The following DCDC1 variants were observed in gnomAD, a reference collection of about 807,000 sequenced individuals.
DCDC1 encodes doublecortin domain containing 1, also known as doublecortin domain-containing protein 1.
Under a neutral mutation model 178.3 loss-of-function variants are expected in DCDC1, and 200 were observed. That is an observed-to-expected ratio of 1.12 (90% CI 1.00 to 1.26). DCDC1 has a LOEUF of 1.26. DCDC1 is among the 50% of genes most tolerant of loss of function. The pLI, the probability that DCDC1 is intolerant of heterozygous loss-of-function variation, is 0.00. For missense variants in DCDC1, 1,983 were observed against 1,749.2 expected, an observed-to-expected ratio of 1.13 and a Z score of -2.38; for synonymous variants, 690 against 604.8, an observed-to-expected ratio of 1.14 and a Z score of -2.07.
intron 5 of DCDC1, 120 bp from the exon 6 acceptor site, chr11:31,305,897 G>T: frequency 1.7e-6 from 2 of 1,162,434 alleles, no homozygotes; most frequent in Non-Finnish European, 2.4e-6. Flanking sequence ...TGCCAATACA[G>T]TTATTTTCTA....
chr11:30,973,896 C>G (rs1230908622), intron 20 of DCDC1, among the ~76,000 whole-genome samples: 1 of 151,728 alleles, frequency 6.6e-6, no homozygotes, highest in Non-Finnish European at 1.5e-5. Context: ...GGACTAAACA[C>G]TTTTACAGGA....
At position 30,921,010 on chromosome 11, in the gene DCDC1, T is replaced by C. The variant is rs1946215238; in HGVS notation, c.3134-75A>G. On this transcript the variant is annotated intron_variant, in intron 24 of 38. Coordinates refer to ENST00000684477, the MANE Select transcript of DCDC1 (RefSeq NM_001387274.1). ...GCATCAGGAATTTAAAAACACACACTAAAATACAAATGCAAAATAATTCCA... is the reference window on the plus strand; with the variant it reads ...GCATCAGGAATTTAAAAACACACACCAAAATACAAATGCAAAATAATTCCA... 4.1e-6 allele frequency: 6 copies of C among 1,448,724 alleles called. No individual in the cohort carries two copies. In the South Asian group the frequency reaches 5.3e-5, roughly 13 times the overall value. 89.7% of individuals were successfully genotyped at this position (1,448,724 alleles called of 1,614,324 possible). A position where few individuals can be genotyped will look rare whatever the true frequency, so the allele number is the denominator to read the frequency against.
intron 15 of DCDC1, among the ~76,000 whole-genome samples, 172 bp from the exon 16 acceptor site, chr11:31,094,356 A>G (rs1958007855): frequency 6.6e-6 from 1 of 152,176 alleles, no homozygotes; most frequent in Admixed American, 6.5e-5. Flanking sequence ...TTTGTTGAGC[A>G]CCAACTCTAT....
At chr11:31,266,064 A>G (rs2137115989) in intron 7 of DCDC1, among the ~76,000 whole-genome samples, 1 of 152,046 alleles carries the variant, frequency 6.6e-6, no homozygotes, top group Non-Finnish European at 1.5e-5. Context: ...GATTTTAAGT[A>G]CCTACTTTCC....
chr11:31,001,973 T>C (rs192657284), intron 20 of DCDC1, among the ~76,000 whole-genome samples: 5 of 152,362 alleles, frequency 3.3e-5, no homozygotes, highest in African/African-American at 9.6e-5. Flanking sequence ...AAATATGCTA[T>C]GTTCAGTGAA....
At chr11:31,066,727 G>A (rs666485) in intron 18 of DCDC1, among the ~76,000 whole-genome samples, 74,242 of 151,910 alleles carry the variant, frequency 0.49, 18,400 homozygotes, top group Middle Eastern at 0.57. Flanking sequence ...GACAGAAGAC[G>A]TGCAGCACAG....
chr11:31,062,349 T>C (rs964949942), intron 20 of DCDC1, among the ~76,000 whole-genome samples: 4 of 152,124 alleles, frequency 2.6e-5, no homozygotes, highest in Non-Finnish European at 4.4e-5. Context: ...CAGTGTTTCT[T>C]GAGTTTCTAT....
intron 11 of DCDC1, among the ~76,000 whole-genome samples, chr11:31,115,478 A>G (rs1959748362): frequency 6.6e-6 from 1 of 152,168 alleles, no homozygotes; most frequent in Non-Finnish European, 1.5e-5. Flanking sequence ...TCAAGAGGCA[A>G]TAATAGAAAA....
At chr11:31,004,102 AC>A (rs920593776) in intron 20 of DCDC1, among the ~76,000 whole-genome samples, 8 of 152,184 alleles carry the variant, frequency 5.3e-5, no homozygotes, top group African/African-American at 1.4e-4. Context: ...ATATTCAATT[AC>A]CTATTGAATA....
chr11:31,054,918 T>C (rs190362235), intron 20 of DCDC1, among the ~76,000 whole-genome samples: 21 of 152,160 alleles, frequency 1.4e-4, no homozygotes, highest in Non-Finnish European at 2.1e-4. Context: ...CCTCTAGACA[T>C]TGGCTTAGGT....
At chr11:30,882,379 T>C (rs1349854117) in intron 36 of DCDC1, 2 of 152,204 alleles carry the variant, frequency 1.3e-5, no homozygotes, top group Admixed American at 6.5e-5. Flanking sequence ...TATTCCCCTC[T>C]ATAGAATAGG....
At chr11:30,969,755 C>T (rs1483842643) in intron 20 of DCDC1, among the ~76,000 whole-genome samples, 1 of 152,072 alleles carries the variant, frequency 6.6e-6, no homozygotes, top group Non-Finnish European at 1.5e-5. Context: ...TCATTCATTT[C>T]CTTTTATTTA....
Position 31,225,708 on chromosome 11 carries a change from G to GATA in DCDC1, c.1221+15741_1221+15742insTAT, listed in dbSNP as rs1351946631. Among the ~76,000 whole-genome samples the GATA allele has an allele frequency of 4.6e-3, 682 of 149,106 alleles. 7 individuals carry two copies. Among genetic ancestry groups the GATA allele is most frequent in the African/African-American group, 0.016 (652 of 40,744 alleles). Reference sequence around the variant, plus strand: ...AAGAAAAATTATATATATATATCTAGGTAGATATATATCTATATCTACCTA... The same window carrying GATA: ...AAGAAAAATTATATATATATATCTAGATAGTAGATATATATCTATATCTACCTA... On this transcript the variant is annotated intron_variant, in intron 9 of 38. Coordinates refer to ENST00000684477, the MANE Select transcript of DCDC1 (RefSeq NM_001387274.1).
intron 7 of DCDC1, chr11:31,280,632 T>G (rs765462138): frequency 4.8e-5 from 22 of 456,010 alleles, no homozygotes; most frequent in Non-Finnish European, 7.9e-5. Context: ...TCATGAGACA[T>G]TTCTGTTTTG....
chr11:30,886,256 T>A (rs1487307016), intron 36 of DCDC1, among the ~76,000 whole-genome samples: 2 of 152,162 alleles, frequency 1.3e-5, no homozygotes, highest in Admixed American at 6.6e-5. Context: ...ACATGCTGTT[T>A]CCTAAATAGA....
intron 38 of DCDC1, among the ~76,000 whole-genome samples, chr11:30,866,819 A>G (rs1941022784): frequency 6.6e-6 from 1 of 152,092 alleles, no homozygotes; most frequent in East Asian, 1.9e-4. Flanking sequence ...TCCCCAATGC[A>G]ACAACGTTGG....
At chr11:31,296,872 A>C (rs1947724656) in intron 6 of DCDC1, among the ~76,000 whole-genome samples, 1 of 152,086 alleles carries the variant, frequency 6.6e-6, no homozygotes, top group South Asian at 2.1e-4. Context: ...CACCCCCATG[A>C]TCTAATTACC....
intron 8 of DCDC1, among the ~76,000 whole-genome samples, chr11:31,244,682 T>C (rs577131025): frequency 2.6e-5 from 4 of 151,916 alleles, no homozygotes; most frequent in Admixed American, 2.6e-4. Context: ...TCATATTAAA[T>C]GGTTTGGAAG....
At chr11:31,240,400 G>A (rs1263877662) in intron 9 of DCDC1, among the ~76,000 whole-genome samples, 1 of 151,800 alleles carries the variant, frequency 6.6e-6, no homozygotes, top group East Asian at 1.9e-4. Context: ...AACACATTTT[G>A]CGAAGTTTTC....
Sources: allele counts gnomAD v4.1 joint callset (sites outside exome capture counted in the v4.1 genomes callset), GRCh38; gene constraint gnomAD v4.1.1; transcripts MANE v1.5; gene names NCBI Gene and HGNC (gene_info 2026-07-23, HGNC 2026-07-21).